The following SAMSN1 variants were observed in gnomAD, a reference collection of about 807,000 sequenced individuals.
SAMSN1 encodes the protein SAM domain, SH3 domain and nuclear localization signals 1, also known as SAM domain-containing protein SAMSN-1.
SAMSN1 carries 31 observed loss-of-function variants against 42.0 expected under a neutral mutation model. The observed-to-expected ratio is 0.74, with a 90% CI of 0.55 to 1.00. SAMSN1 has a LOEUF of 1.00. Among genes scored for constraint, SAMSN1 ranks in the 50% least tolerant of loss-of-function variants. The pLI, the probability that SAMSN1 is intolerant of heterozygous loss-of-function variation, is 0.00. For missense variants in SAMSN1, 464 were observed against 439.4 expected, an observed-to-expected ratio of 1.06 and a Z score of -0.50; for synonymous variants, 178 against 151.9, an observed-to-expected ratio of 1.17 and a Z score of -1.26.
chr21:14,499,228 T>C (rs537054112), intron 6 of SAMSN1, among the ~76,000 whole-genome samples: 1 of 152,296 alleles, frequency 6.6e-6, no homozygotes, highest in African/African-American at 2.4e-5. Flanking sequence ...AGCATGTATA[T>C]TTTGTCCGTC....
intron 6 of SAMSN1, chr21:14,597,909 T>A (rs1982318137): frequency 6.6e-6 from 1 of 152,050 alleles, no homozygotes; most frequent in African/African-American, 2.4e-5. Flanking sequence ...TCTGCCTTAT[T>A]TTTTTTATTT....
At chr21:14,530,002 A>G (rs1389951294) in intron 1 of SAMSN1, among the ~76,000 whole-genome samples, 1 of 152,228 alleles carries the variant, frequency 6.6e-6, no homozygotes, top group African/African-American at 2.4e-5. Flanking sequence ...TAATTGTTAA[A>G]CAAGAGGCTC....
intron 1 of SAMSN1, among the ~76,000 whole-genome samples, chr21:14,521,771 A>G (rs917056708): frequency 5.3e-5 from 8 of 152,118 alleles, no homozygotes; most frequent in African/African-American, 1.7e-4. Flanking sequence ...TGGGCTTAAT[A>G]CCTAGGTGAT....
chr21:14,512,705 G>A, intron 3 of SAMSN1, 132 bp from the exon 4 acceptor site: 1 of 794,560 alleles, frequency 1.3e-6, no homozygotes, highest in East Asian at 2.5e-5. Context: ...AAATACAAAA[G>A]TAGTTCATCT....
intron 1 of SAMSN1, among the ~76,000 whole-genome samples, chr21:14,650,014 A>G (rs1889926658): frequency 6.6e-6 from 1 of 152,118 alleles, no homozygotes; most frequent in Non-Finnish European, 1.5e-5. Context: ...ATATATATGC[A>G]CCCAACACTG....
intron 1 of SAMSN1, among the ~76,000 whole-genome samples, chr21:14,544,614 C>A (rs1206226316): frequency 6.6e-6 from 1 of 152,050 alleles, no homozygotes; most frequent in Non-Finnish European, 1.5e-5. Flanking sequence ...TCCAATGTGA[C>A]CATTTTCTGT....
intron 1 of SAMSN1, 36 bp downstream of exon 1, chr21:14,546,169 T>A: frequency 1.3e-6 from 2 of 1,551,772 alleles, no homozygotes; most frequent in Non-Finnish European, 1.8e-6. Context: ...TATTAAATAG[T>A]TTGATTTTAT....
chr21:14,602,841 A>G (rs527489898), intron 5 of SAMSN1, among the ~76,000 whole-genome samples: 1 of 152,230 alleles, frequency 6.6e-6, no homozygotes, highest in African/African-American at 2.4e-5. Flanking sequence ...GTTTTCTACT[A>G]TTCCTCATTC....
chr21:14,489,607 T>A (rs1986594315), intron 7 of SAMSN1, among the ~76,000 whole-genome samples: 1 of 152,148 alleles, frequency 6.6e-6, no homozygotes, highest in Non-Finnish European at 1.5e-5. Context: ...GTCTTTCTTA[T>A]TGCTGCCAGC....
intron 5 of SAMSN1, among the ~76,000 whole-genome samples, chr21:14,503,946 C>A (rs541493879): frequency 6.6e-6 from 1 of 152,126 alleles, no homozygotes; most frequent in Non-Finnish European, 1.5e-5. Flanking sequence ...GCAGACAACC[C>A]TTAGTACCAG....
intron 2 of SAMSN1, among the ~76,000 whole-genome samples, chr21:14,616,177 G>A (rs903366845): frequency 2.0e-5 from 3 of 151,834 alleles, no homozygotes; most frequent in African/African-American, 7.3e-5. Flanking sequence ...GTCCCCTGTT[G>A]TATTTTAGTA....
At chr21:14,586,766 AGATATGT>A (rs776663123), upstream of SAMSN1, among the ~76,000 whole-genome samples, 17 of 152,224 alleles carry the variant, frequency 1.1e-4, no homozygotes, top group Non-Finnish European at 2.4e-4. Context: ...AGAAGGAACC[AGATATGT>A]GAAGATTTAG....
At chr21:14,561,312 C>T (rs527643233) in intron 2 of SAMSN1, among the ~76,000 whole-genome samples, 27 of 152,102 alleles carry the variant, frequency 1.8e-4, no homozygotes, top group Non-Finnish European at 3.8e-4. Context: ...ATAAAAACCA[C>T]CTCCAAGCCT....
chr21:14,541,999 A>AAG (rs397720544), intron 1 of SAMSN1, among the ~76,000 whole-genome samples: 2 of 125,376 alleles, frequency 1.6e-5, no homozygotes, highest in East Asian at 5.4e-4. Flanking sequence ...AAAAAAAAAA[A>AAG]GGAAGGAAGG....
At chr21:14,491,339 C>T (rs1297155997) in intron 7 of SAMSN1, among the ~76,000 whole-genome samples, 1 of 151,642 alleles carries the variant, frequency 6.6e-6, no homozygotes, top group African/African-American at 2.4e-5. Flanking sequence ...AACTCTTGGA[C>T]TCAAGCAATC....
At chr21:14,540,917 A>G (rs1452547267) in intron 1 of SAMSN1, among the ~76,000 whole-genome samples, 2 of 152,244 alleles carry the variant, frequency 1.3e-5, no homozygotes, top group Admixed American at 6.5e-5. Context: ...GATTAAGAAA[A>G]TGTGGCACAT....
At chr21:14,603,658 C>CT (rs1188325638) in intron 5 of SAMSN1, among the ~76,000 whole-genome samples, 1 of 152,150 alleles carries the variant, frequency 6.6e-6, no homozygotes, top group Non-Finnish European at 1.5e-5. Flanking sequence ...GGATAGGTGA[C>CT]TGAGGCCAAA....
intron 1 of SAMSN1, among the ~76,000 whole-genome samples, chr21:14,533,888 G>A (rs894194404): frequency 1.6e-4 from 25 of 152,264 alleles, no homozygotes; most frequent in Admixed American, 2.6e-4. Flanking sequence ...CCTAGCCTTA[G>A]GTACACATCT....
intron 2 of SAMSN1, among the ~76,000 whole-genome samples, chr21:14,621,369 A>G (rs1280195412): frequency 1.3e-5 from 2 of 152,234 alleles, no homozygotes; most frequent in African/African-American, 4.8e-5. Context: ...GGGAAGCACA[A>G]GGGACCAGGG....
Sources: allele counts gnomAD v4.1 joint callset (sites outside exome capture counted in the v4.1 genomes callset), GRCh38; gene constraint gnomAD v4.1.1; transcripts MANE v1.5; gene names NCBI Gene and HGNC (gene_info 2026-07-23, HGNC 2026-07-21).